Variants in NSUN6 observed in about 807,000 individuals in gnomAD.
The protein encoded by NSUN6 is tRNA (cytosine(72)-C(5))-methyltransferase NSUN6.
Under a neutral mutation model 58.0 loss-of-function variants are expected in NSUN6, and 64 were observed. The observed-to-expected ratio is 1.10, with a 90% CI of 0.90 to 1.36. The LOEUF (loss-of-function observed/expected upper bound fraction) is 1.36. Among genes scored for constraint, NSUN6 ranks in the 40% most tolerant of loss-of-function variants. The pLI is 0.00. For synonymous variants in NSUN6, 231 were observed against 193.9 expected (o/e 1.19, Z -1.59); for missense variants, 701 against 550.1 (o/e 1.27, Z -2.74).
At chr10:18,655,467 C>T (rs1402196726), upstream of NSUN6, among the ~76,000 whole-genome samples, 2 of 152,138 alleles carry the variant, frequency 1.3e-5, no homozygotes, top group East Asian at 3.9e-4. Context: ...GTAAATGTTA[C>T]ATAGTATTAA....
intron 3 of NSUN6, among the ~76,000 whole-genome samples, chr10:18,624,480 C>T (rs2058717121): frequency 1.3e-5 from 2 of 151,048 alleles, no homozygotes; most frequent in East Asian, 2.0e-4. Flanking sequence ...TTGAGACCAT[C>T]CTGGCTAAAA....
Position 18,578,727 on chromosome 10 carries a change from C to T in NSUN6, c.922+7222G>A, listed in dbSNP as rs144996392. 3.7e-3 allele frequency among the ~76,000 whole-genome samples: 568 copies of T among 152,310 alleles called. 3 individuals carry two copies. Among genetic ancestry groups the T allele is most frequent in the African/African-American group, 0.013 (550 of 41,560 alleles). ...CTGAATTCCAGTAAAACACAGCTCACAACAGTTCCTTAAAGGCCCAGGCTA... is the reference window on the plus strand; with the variant it reads ...CTGAATTCCAGTAAAACACAGCTCATAACAGTTCCTTAAAGGCCCAGGCTA... On this transcript the variant is annotated intron_variant, in intron 8 of 10. Transcript: ENST00000377304.
chr10:18,592,400 C>T (rs1432374936), intron 7 of NSUN6, among the ~76,000 whole-genome samples: 1 of 152,152 alleles, frequency 6.6e-6, no homozygotes, highest in Non-Finnish European at 1.5e-5. Flanking sequence ...CAAAAAAGGG[C>T]AAGTATAGCC....
At chr10:18,611,765 C>T (rs2058247254) in intron 5 of NSUN6, among the ~76,000 whole-genome samples, 1 of 151,804 alleles carries the variant, frequency 6.6e-6, no homozygotes, top group Admixed American at 6.6e-5. Context: ...TGTGTACAGT[C>T]TCACTATGTT....
chr10:18,647,419 C>A (rs1365838652), intron 2 of NSUN6, among the ~76,000 whole-genome samples: 1 of 152,148 alleles, frequency 6.6e-6, no homozygotes, highest in Non-Finnish European at 1.5e-5. Context: ...TATTCTTCTA[C>A]ATCCTACATT....
intron 8 of NSUN6, among the ~76,000 whole-genome samples, chr10:18,582,352 A>G (rs1024569771): frequency 4.6e-5 from 7 of 152,198 alleles, no homozygotes; most frequent in African/African-American, 1.7e-4. Flanking sequence ...TACTGTAACA[A>G]ACTAACTTTA....
intron 7 of NSUN6, 133 bp downstream of exon 7, chr10:18,596,075 G>T: frequency 1.5e-6 from 1 of 688,262 alleles, no homozygotes; most frequent in Non-Finnish European, 2.5e-6. Context: ...TGTAGTGACT[G>T]ACATAACTGA....
chr10:18,651,446 C>A lies in NSUN6; in HGVS notation c.-243G>T, dbSNP rs1259972563. The A allele has an allele frequency of 6.5e-5, 78 of 1,205,494 alleles. No homozygotes were observed. Among genetic ancestry groups the A allele is most frequent in the Non-Finnish European group, 7.8e-5 (76 of 970,286 alleles). 74.7% of individuals were successfully genotyped at this position (1,205,494 alleles called of 1,614,324 possible). A position where few individuals can be genotyped will look rare whatever the true frequency, so the allele number is the denominator to read the frequency against. ...GGCAATGTTTTCTGGTAGAGATGCT[C>A]ATGGAAATCACTGAGCCAATGCCAC... On this transcript the variant is annotated 5_prime_UTR_variant, in exon 1 of 11. The change abolishes an upstream ATG in the 5' untranslated region. Transcript: ENST00000377304.
intron 8 of NSUN6, among the ~76,000 whole-genome samples, chr10:18,567,667 C>T (rs1355571777): frequency 1.3e-5 from 2 of 151,140 alleles, no homozygotes; most frequent in Non-Finnish European, 3.0e-5. Context: ...TCATTGCATT[C>T]CATTCCGCAT....
At chr10:18,641,645 C>T (rs1342232142) in intron 3 of NSUN6, among the ~76,000 whole-genome samples, 3 of 150,460 alleles carry the variant, frequency 2.0e-5, no homozygotes, top group Non-Finnish European at 4.4e-5. Flanking sequence ...GCTGGGATAA[C>T]AGGAATAAGT....
intron 7 of NSUN6, among the ~76,000 whole-genome samples, chr10:18,593,232 G>C (rs780975231): frequency 4.6e-5 from 7 of 152,310 alleles, no homozygotes; most frequent in African/African-American, 1.7e-4. Flanking sequence ...TGGAGAAATA[G>C]GAGAAATAGC....
At chr10:18,656,514 G>C (rs61842187), upstream of NSUN6, among the ~76,000 whole-genome samples, 30,260 of 152,086 alleles carry the variant, frequency 0.2, 3,269 homozygotes, top group South Asian at 0.31. Flanking sequence ...TCCAGCCTAG[G>C]TGACAGAGTG....
chr10:18,640,512 A>G (rs2059358503), intron 3 of NSUN6, among the ~76,000 whole-genome samples: 1 of 152,228 alleles, frequency 6.6e-6, no homozygotes, highest in African/African-American at 2.4e-5. Context: ...TAAGGAGTGT[A>G]GTAACCTCCA....
chr10:18,590,975 A>G (rs1323571145), intron 7 of NSUN6, among the ~76,000 whole-genome samples: 2 of 152,146 alleles, frequency 1.3e-5, no homozygotes, highest in Non-Finnish European at 2.9e-5. Flanking sequence ...AAAGATTAAC[A>G]AAACAGACCA....
At chr10:18,601,687 A>C (rs1303284318) in intron 6 of NSUN6, among the ~76,000 whole-genome samples, 2 of 152,116 alleles carry the variant, frequency 1.3e-5, no homozygotes, top group Non-Finnish European at 2.9e-5. Flanking sequence ...TTTTTTACTT[A>C]TAAAAGGAAA....
chr10:18,581,100 G>T (rs1385768114), intron 8 of NSUN6, among the ~76,000 whole-genome samples: 2 of 152,068 alleles, frequency 1.3e-5, no homozygotes, highest in African/African-American at 4.8e-5. Context: ...CTTCCCTTGG[G>T]GTGGGCTGCC....
chr10:18,645,318 C>G (rs1055576735), intron 2 of NSUN6, among the ~76,000 whole-genome samples: 2 of 152,054 alleles, frequency 1.3e-5, no homozygotes, highest in Non-Finnish European at 2.9e-5. Flanking sequence ...TAAACTGTTT[C>G]CTGCACAAAA....
chr10:18,581,743 T>G (rs940178654), intron 8 of NSUN6, among the ~76,000 whole-genome samples: 2 of 151,818 alleles, frequency 1.3e-5, no homozygotes, highest in African/African-American at 4.8e-5. Context: ...GGAGAATCGC[T>G]TGAACCCGGG....
chr10:18,598,497 G>A (rs2057683747), intron 6 of NSUN6, among the ~76,000 whole-genome samples: 1 of 152,094 alleles, frequency 6.6e-6, no homozygotes, highest in Admixed American at 6.5e-5. Context: ...AGGCTGTCCG[G>A]GTCTCAGACT....
Sources: allele counts gnomAD v4.1 joint callset (sites outside exome capture counted in the v4.1 genomes callset), GRCh38; gene constraint gnomAD v4.1.1; transcripts MANE v1.5; gene names NCBI Gene and HGNC (gene_info 2026-07-23, HGNC 2026-07-21).